Variants in FAM20B observed in about 807,000 individuals in gnomAD.
The protein encoded by FAM20B is glycosaminoglycan xylosylkinase.
In FAM20B, 23 loss-of-function variants were observed where a neutral mutation model predicts 43.8. That is an observed-to-expected ratio of 0.53 (90% CI 0.38 to 0.74). The LOEUF (loss-of-function observed/expected upper bound fraction) is 0.74. FAM20B is among the 30% of genes least tolerant of loss of function. The probability of loss-of-function intolerance (pLI) is 0.00; values close to 1 mark genes in which losing one functional copy is unlikely to be tolerated. For missense variants in FAM20B, 440 were observed against 510.5 expected (o/e 0.86, Z 1.33); for synonymous variants, 178 against 192.4 (o/e 0.93, Z 0.62).
chr1:179,044,459 C>G (rs971782633), intron 2 of FAM20B, among the ~76,000 whole-genome samples: 3 of 152,200 alleles, frequency 2.0e-5, no homozygotes, highest in African/African-American at 7.2e-5. Context: ...ATTTTTCCCT[C>G]TCTGCCCCAG....
chr1:179,058,023 C>T (rs1651302646), intron 4 of FAM20B, among the ~76,000 whole-genome samples: 1 of 151,944 alleles, frequency 6.6e-6, no homozygotes, highest in African/African-American at 2.4e-5. Flanking sequence ...GCTTACAGAT[C>T]CTTTCTAAAA....
intron 1 of FAM20B, among the ~76,000 whole-genome samples, chr1:179,042,767 G>A (rs1243758617): frequency 6.6e-6 from 1 of 152,184 alleles, no homozygotes; most frequent in Non-Finnish European, 1.5e-5. Context: ...TCTGATGAGA[G>A]TCTAGCTTTC....
rs149152778 is a variant in FAM20B, at chr1:179,053,547, T to G, written c.465-982T>G. The stretch of plus-strand genomic sequence containing the variant: ...TTTTCTGCTTTGGGTTGCTGTTTCT[T>G]CATTACAGTCAGATTTAACCACCTT... On this transcript the variant is annotated intron_variant, in intron 3 of 7. Transcript: ENST00000263733. 8.6e-3 allele frequency among the ~76,000 whole-genome samples: 1,312 copies of G among 152,324 alleles called. 20 individuals carry two copies. The highest frequency in any genetic ancestry group is 0.03 in the African/African-American group (1,230 of 41,566).
At chr1:179,062,113 C>CCT (rs1651488742) in intron 4 of FAM20B, among the ~76,000 whole-genome samples, 1 of 151,992 alleles carries the variant, frequency 6.6e-6, no homozygotes, top group African/African-American at 2.4e-5. Flanking sequence ...TTTCAGCGAT[C>CCT]CTCCTGCCTC....
intron 1 of FAM20B, among the ~76,000 whole-genome samples, chr1:179,026,379 C>T (rs896777648): frequency 3.9e-5 from 6 of 151,914 alleles, no homozygotes; most frequent in Non-Finnish European, 8.8e-5. Flanking sequence ...GCGGCCTCGG[C>T]CGCCACGTCC....
chr1:179,030,215 A>T (rs145253393), intron 1 of FAM20B, among the ~76,000 whole-genome samples: 48 of 152,030 alleles, frequency 3.2e-4, no homozygotes, highest in African/African-American at 1.1e-3. Flanking sequence ...TTGCCCAGGG[A>T]CGTTTTTGTT....
At chr1:179,071,390 C>T (rs991679590) in intron 7 of FAM20B, among the ~76,000 whole-genome samples, 8 of 152,040 alleles carry the variant, frequency 5.3e-5, no homozygotes, top group Admixed American at 3.3e-4. Flanking sequence ...TACCCATTAA[C>T]GTCTAAGGAT....
intron 6 of FAM20B, 57 bp downstream of exon 6, chr1:179,064,553 CA>C: frequency 1.5e-6 from 2 of 1,373,140 alleles, no homozygotes; most frequent in African/African-American, 2.9e-5. Context: ...GAAAGAAGGG[CA>C]TTTTCCAGAG....
At chr1:179,043,290 C>T (rs979871473) in intron 1 of FAM20B, among the ~76,000 whole-genome samples, 1 of 152,196 alleles carries the variant, frequency 6.6e-6, no homozygotes, top group Admixed American at 6.5e-5. Context: ...CAATTTTGCT[C>T]CACCCCAGAG....
At chr1:179,059,039 C>T (rs941766666) in intron 4 of FAM20B, among the ~76,000 whole-genome samples, 2 of 152,190 alleles carry the variant, frequency 1.3e-5, no homozygotes, top group African/African-American at 4.8e-5. Flanking sequence ...CCTTCACAGG[C>T]ACATCCAGGA....
chr1:179,068,981 G>A (rs1247627440), intron 7 of FAM20B, among the ~76,000 whole-genome samples: 1 of 152,244 alleles, frequency 6.6e-6, no homozygotes, highest in African/African-American at 2.4e-5. Flanking sequence ...CTGGTGTCAT[G>A]ACATGCAGAA....
rs1364732185 is a variant in FAM20B at position 179,066,858 on chromosome 1, A to G, written c.997A>G (p.Ile333Val). ...SILAPLYQCC[I>V]IRVSTWNRLN... ...TCTTGCCCCTCTCTATCAGTGTTGC[A>G]TGTAAGTTATGCACAGCAAATACAT... Residue 333 changes from isoleucine (I) to valine (V), a missense_variant and splice_region_variant, in exon 7 of 8, where the codon ATC becomes GTC. Transcript: ENST00000263733. The G allele has an allele frequency of 1.2e-6, 2 of 1,605,048 alleles. No homozygotes were observed. Among genetic ancestry groups the G allele is most frequent in the Non-Finnish European group, 1.7e-6 (2 of 1,171,742 alleles).
At chr1:179,046,023 C>T (rs893583035) in intron 2 of FAM20B, among the ~76,000 whole-genome samples, 1 of 152,124 alleles carries the variant, frequency 6.6e-6, no homozygotes, top group Non-Finnish European at 1.5e-5. Flanking sequence ...AACCCTTATA[C>T]GAAGGTTTAA....
At chr1:179,041,005 T>C (rs1650491525) in intron 1 of FAM20B, among the ~76,000 whole-genome samples, 5 of 128,372 alleles carry the variant, frequency 3.9e-5, no homozygotes, top group East Asian at 2.6e-4. Flanking sequence ...GCTCCCCACA[T>C]CTCAGACGAT....
intron 2 of FAM20B, among the ~76,000 whole-genome samples, chr1:179,047,955 T>C (rs1650850008): frequency 6.6e-6 from 1 of 152,234 alleles, no homozygotes; most frequent in Non-Finnish European, 1.5e-5. Flanking sequence ...CTTGTGGTTT[T>C]AACATTTCTG....
chr1:179,018,488 G>A, the FAM20B span, among the ~76,000 whole-genome samples: 4 of 151,960 alleles, frequency 2.6e-5, no homozygotes, highest in Admixed American at 6.5e-5. Flanking sequence ...TTTATTTTTA[G>A]TAGAAGCGGG....
intron 4 of FAM20B, among the ~76,000 whole-genome samples, chr1:179,056,500 T>C (rs1651226099): frequency 6.6e-6 from 1 of 152,262 alleles, no homozygotes; most frequent in South Asian, 2.1e-4. Context: ...TGCTGACTAA[T>C]GTTCCATTGT....
chr1:179,025,853 A>G (rs1264411854), upstream of FAM20B: 1 of 107,458 alleles, frequency 9.3e-6, no homozygotes, highest in East Asian at 3.1e-4. Context: ...GCGCTACGCT[A>G]GGACGGTACC....
Position 179,031,662 on chromosome 1 carries a change from A to C in FAM20B, c.-134+5564A>C, listed in dbSNP as rs548437379. 5.3e-5 allele frequency among the ~76,000 whole-genome samples: 8 copies of C among 152,344 alleles called. No individual in the cohort carries two copies. In the South Asian group the frequency reaches 1.7e-3, roughly 32 times the overall value. The stretch of plus-strand genomic sequence containing the variant: ...ATTCTGAGTTTACAGATGTAAATAA[A>C]TGTTTAAATGGAAGTGAAAACAGTA... On this transcript the variant is annotated intron_variant, in intron 1 of 7. Transcript: ENST00000263733.
Sources: allele counts gnomAD v4.1 joint callset (sites outside exome capture counted in the v4.1 genomes callset), GRCh38; gene constraint gnomAD v4.1.1; transcripts MANE v1.5; gene names NCBI Gene and HGNC (gene_info 2026-07-23, HGNC 2026-07-21).